NRXN3: variants seen among roughly 807,000 people sequenced by gnomAD.
The protein encoded by NRXN3 is neurexin III.
Under a neutral mutation model 137.6 loss-of-function variants are expected in NRXN3, and 32 were observed. That is an observed-to-expected ratio of 0.23 (90% CI 0.18 to 0.31). The LOEUF (loss-of-function observed/expected upper bound fraction) is 0.31. Ranked by LOEUF, NRXN3 falls within the 10% of genes least tolerant of loss-of-function variation. The pLI is 1.00. For missense variants in NRXN3, 1,574 were observed against 2,062.5 expected (o/e 0.76, Z 4.59); for synonymous variants, 798 against 784.5 (o/e 1.02, Z -0.29).
chr14:79,140,078 A>T (rs1370028120), intron 15 of NRXN3, among the ~76,000 whole-genome samples: 1 of 152,024 alleles, frequency 6.6e-6, no homozygotes, highest in Admixed American at 6.6e-5. Flanking sequence ...TGAAGACAAT[A>T]AAATTGTCAT....
At chr14:79,051,840 C>A (rs1399486432) in intron 15 of NRXN3, among the ~76,000 whole-genome samples, 1 of 152,148 alleles carries the variant, frequency 6.6e-6, no homozygotes, top group African/African-American at 2.4e-5. Flanking sequence ...CAAAACATTG[C>A]TGGAAGACGG....
intron 17 of NRXN3, among the ~76,000 whole-genome samples, chr14:79,683,606 CAG>C (rs1310267232): frequency 1.3e-5 from 2 of 152,086 alleles, no homozygotes; most frequent in African/African-American, 4.8e-5. Context: ...TTCTATAGGT[CAG>C]AATTTGATAG....
At chr14:79,180,204 A>G (rs967128852) in intron 15 of NRXN3, among the ~76,000 whole-genome samples, 3 of 152,228 alleles carry the variant, frequency 2.0e-5, no homozygotes, top group Non-Finnish European at 4.4e-5. Context: ...TGACAATTAC[A>G]TGTAGCGCCA....
intron 4 of NRXN3, among the ~76,000 whole-genome samples, chr14:78,407,672 C>T (rs1367361646): frequency 2.6e-5 from 4 of 152,172 alleles, no homozygotes; most frequent in African/African-American, 9.7e-5. Context: ...TAACACCATG[C>T]CATGCCCAGC....
chr14:78,753,158 C>T (rs1369248279), intron 8 of NRXN3, among the ~76,000 whole-genome samples: 1 of 152,152 alleles, frequency 6.6e-6, no homozygotes, highest in African/African-American at 2.4e-5. Flanking sequence ...AAATGAATTG[C>T]CTCCAAATTC....
At chr14:79,124,089 A>G (rs1364463690) in intron 15 of NRXN3, among the ~76,000 whole-genome samples, 1 of 152,092 alleles carries the variant, frequency 6.6e-6, no homozygotes, top group Non-Finnish European at 1.5e-5. Context: ...CACAGCTCTA[A>G]TGTAGGTCTG....
At chr14:78,990,306 G>A (rs1231643978) in intron 15 of NRXN3, among the ~76,000 whole-genome samples, 1 of 151,590 alleles carries the variant, frequency 6.6e-6, no homozygotes, top group African/African-American at 2.4e-5. Context: ...ATTGGACCAC[G>A]GCTTCTGTGA....
intron 2 of NRXN3, among the ~76,000 whole-genome samples, chr14:78,268,371 C>T (rs139917692): frequency 2.6e-5 from 4 of 152,162 alleles, no homozygotes; most frequent in Admixed American, 6.5e-5. Flanking sequence ...ATATGCTACC[C>T]CAGCTTTTAA....
At chr14:78,758,032 C>T (rs1348809144) in intron 8 of NRXN3, among the ~76,000 whole-genome samples, 1 of 152,192 alleles carries the variant, frequency 6.6e-6, no homozygotes, top group Non-Finnish European at 1.5e-5. Flanking sequence ...CCCTCCCTCC[C>T]TGCAGCCTTA....
chr14:79,441,262 C>T (rs369299742), intron 15 of NRXN3, among the ~76,000 whole-genome samples: 43 of 148,382 alleles, frequency 2.9e-4, no homozygotes, highest in African/African-American at 9.7e-4. Context: ...ATCTCTGTAG[C>T]AAGTTCTTGG....
At chr14:79,192,423 C>G (rs2064495750) in intron 15 of NRXN3, among the ~76,000 whole-genome samples, 1 of 152,012 alleles carries the variant, frequency 6.6e-6, no homozygotes, top group Non-Finnish European at 1.5e-5. Context: ...TAATATGCAA[C>G]CTTGAATTAG....
chr14:79,319,958 G>A (rs1488105719), intron 15 of NRXN3, among the ~76,000 whole-genome samples: 2 of 152,126 alleles, frequency 1.3e-5, no homozygotes, highest in East Asian at 3.8e-4. Flanking sequence ...TGGCCAGAGA[G>A]GTTTGGTTTA....
chr14:79,755,838 T>A (rs757939770), intron 19 of NRXN3, among the ~76,000 whole-genome samples: 3 of 152,166 alleles, frequency 2.0e-5, no homozygotes, highest in Non-Finnish European at 4.4e-5. Context: ...AAACCTTTTT[T>A]CTAAGCAAAT....
At chr14:79,790,879 G>A (rs942960796) in intron 19 of NRXN3, among the ~76,000 whole-genome samples, 6 of 151,722 alleles carry the variant, frequency 4.0e-5, no homozygotes, top group African/African-American at 7.3e-5. Context: ...TTGGCCTCCC[G>A]ATCTTGTGAT....
intron 4 of NRXN3, among the ~76,000 whole-genome samples, chr14:78,435,446 A>C (rs951063296): frequency 6.6e-6 from 1 of 152,214 alleles, no homozygotes; most frequent in African/African-American, 2.4e-5. Flanking sequence ...TAGCATTGCT[A>C]AGCAGTATTG....
intron 10 of NRXN3, among the ~76,000 whole-genome samples, chr14:78,832,095 T>G (rs940174584): frequency 2.0e-5 from 3 of 152,016 alleles, no homozygotes; most frequent in African/African-American, 7.2e-5. Flanking sequence ...TATTTCCTAC[T>G]AACTTTCAAA....
At position 78,453,281 on chromosome 14, in the gene NRXN3, G is replaced by A. The variant is rs182000146; in HGVS notation, c.757+155421G>A. The stretch of plus-strand genomic sequence containing the variant: ...ACAAAATTATATAGCATCTTATATG[G>A]AACTCTCTTCCTCCCTGTTCAGATG... On this transcript the variant is annotated intron_variant, in intron 4 of 20. Coordinates refer to ENST00000335750, the MANE Select transcript of NRXN3 (RefSeq NM_001330195.2). Among the ~76,000 whole-genome samples, 4 of 152,302 alleles carry A rather than the reference G, an allele frequency of 2.6e-5. No homozygotes were observed. The East Asian group carries it at 7.7e-4, about 29-fold the overall frequency.
chr14:78,877,731 C>A (rs2099117241), intron 10 of NRXN3, among the ~76,000 whole-genome samples: 1 of 152,166 alleles, frequency 6.6e-6, no homozygotes, highest in African/African-American at 2.4e-5. Context: ...AATTTTAACT[C>A]TTCAACAAGA....
chr14:79,800,741 A>G (rs61992426), intron 19 of NRXN3, among the ~76,000 whole-genome samples: 2,681 of 152,304 alleles, frequency 0.018, 30 homozygotes, highest in Middle Eastern at 0.031. Context: ...CTTACATCTG[A>G]AAAAGAACAC....
Sources: gnomAD v4.1 joint callset for allele counts (sites outside exome capture counted in the v4.1 genomes callset) on GRCh38, gnomAD v4.1.1 for gene constraint, MANE v1.5 for transcripts, NCBI Gene and HGNC (gene_info 2026-07-23, HGNC 2026-07-21) for gene names.